Variants in FGF1 observed in about 807,000 individuals in gnomAD.
The protein encoded by FGF1 is beta-endothelial cell growth factor.
In FGF1, 9 loss-of-function variants were observed where a neutral mutation model predicts 13.4. That is an observed-to-expected ratio of 0.67 (90% CI 0.40 to 1.17). FGF1 has a LOEUF of 1.17. Among genes scored for constraint, FGF1 ranks in the 50% most tolerant of loss-of-function variants. The pLI is 0.01. For synonymous variants in FGF1, 93 were observed against 79.0 expected (o/e 1.18, Z -0.94); for missense variants, 156 against 192.7 (o/e 0.81, Z 1.13).
intron 1 of FGF1, among the ~76,000 whole-genome samples, chr5:142,677,724 G>T (rs1772896806): frequency 6.6e-6 from 1 of 152,164 alleles, no homozygotes; most frequent in South Asian, 2.1e-4. Context: ...TCATTCATTA[G>T]ACTGATATTT....
intron 1 of FGF1, among the ~76,000 whole-genome samples, chr5:142,665,153 A>G (rs181815683): frequency 1.0e-3 from 154 of 152,316 alleles, no homozygotes; most frequent in African/African-American, 3.5e-3. Context: ...AGCCTGGGCA[A>G]CATAGCAAGA....
chr5:142,697,436 A>G (rs902170339), intron 2 of FGF1, among the ~76,000 whole-genome samples: 1 of 152,166 alleles, frequency 6.6e-6, no homozygotes, highest in Non-Finnish European at 1.5e-5. Context: ...CCTTTGAATG[A>G]GAGAAGGCAG....
At chr5:142,696,376 G>A (rs1753112559) in intron 2 of FGF1, among the ~76,000 whole-genome samples, 1 of 152,150 alleles carries the variant, frequency 6.6e-6, no homozygotes, top group South Asian at 2.1e-4. Context: ...GATCATTTCT[G>A]GGGAAACACC....
rs766571118 is a variant in FGF1, at chr5:142,595,116, G to A, written c.*174C>T. On this transcript the variant is annotated 3_prime_UTR_variant, in exon 4 of 4. Transcript: ENST00000337706. ...GTCCCTCTGTTCTAAACTGTGCAGG[G>A]GTAAAAGGCTCTGCAAAGAAGTGAA... is the stretch of plus-strand genomic sequence containing the variant. 212 of 595,442 alleles carry A rather than the reference G, an allele frequency of 3.6e-4. No individual in the cohort carries two copies. The highest frequency in any genetic ancestry group is 6.1e-4 in the Non-Finnish European group (205 of 337,674). The allele number at this position is 595,442 out of a possible 1,614,324, so 36.9% of individuals were successfully genotyped here.
intron 1 of FGF1, among the ~76,000 whole-genome samples, chr5:142,673,898 A>T (rs370422801): frequency 6.6e-6 from 1 of 152,186 alleles, no homozygotes. Context: ...AACTTTTTGC[A>T]TGGCTCCAGG....
Position 142,600,749 on chromosome 5 carries a change from T to G in FGF1, c.226A>C (p.Thr76Pro), listed in dbSNP as rs565742349. The change falls in exon 3 of 4, where the codon ACT becomes CCT. Residue 76 changes from threonine to proline, a missense_variant. Coordinates refer to ENST00000337706, the MANE Select transcript of FGF1 (RefSeq NM_000800.5). Reference sequence around the variant, plus strand: ...GTGTCCATGGCCAAGTACTGGCCAGTCTCGGTACTCTTTATATACACCTCC... The same window carrying G: ...GTGTCCATGGCCAAGTACTGGCCAGGCTCGGTACTCTTTATATACACCTCC... Reference protein sequence around the residue: ...VGEVYIKSTETGQYLAMDTDG... With the variant: ...VGEVYIKSTEPGQYLAMDTDG... 6.2e-7 allele frequency: 1 copy of G among 1,614,006 alleles called. No individual in the cohort carries two copies. Among genetic ancestry groups the G allele is most frequent in the African/African-American group, 1.3e-5 (1 of 75,038 alleles).
intron 1 of FGF1, among the ~76,000 whole-genome samples, chr5:142,659,827 A>G (rs1431319573): frequency 6.6e-6 from 1 of 152,194 alleles, no homozygotes; most frequent in African/African-American, 2.4e-5. Context: ...ATGTCTCCAA[A>G]TGCTTCTGAG....
At chr5:142,647,035 G>C (rs780266410) in intron 1 of FGF1, among the ~76,000 whole-genome samples, 8 of 152,192 alleles carry the variant, frequency 5.3e-5, no homozygotes, top group Non-Finnish European at 8.8e-5. Flanking sequence ...CAGGGCCCCA[G>C]TATAATGTAC....
intron 1 of FGF1, among the ~76,000 whole-genome samples, chr5:142,680,225 C>A (rs1052372474): frequency 6.6e-6 from 1 of 152,190 alleles, no homozygotes; most frequent in Non-Finnish European, 1.5e-5. Flanking sequence ...GGGGTGGACA[C>A]AACTCAACCC....
chr5:142,651,219 C>A (rs769918556), intron 1 of FGF1, among the ~76,000 whole-genome samples: 14 of 152,144 alleles, frequency 9.2e-5, no homozygotes, highest in Non-Finnish European at 1.8e-4. Flanking sequence ...CCCACGGGAG[C>A]CTGAACCCAC....
intron 1 of FGF1, among the ~76,000 whole-genome samples, chr5:142,651,992 C>A (rs368513187): frequency 6.6e-6 from 1 of 152,132 alleles, no homozygotes; most frequent in African/African-American, 2.4e-5. Flanking sequence ...TCGTACCATG[C>A]GCTCTATTAA....
At position 142,685,999 on chromosome 5, in the gene FGF1, C is replaced by G. The variant is rs568646470; in HGVS notation, c.-77G>C. 9.8e-5 allele frequency: 15 copies of G among 152,328 alleles called. No individual in the cohort carries two copies. The highest frequency in any genetic ancestry group is 9.8e-4 in the Admixed American group (15 of 15,290). The allele number at this position is 152,328 out of a possible 1,614,324, so 9.4% of individuals were successfully genotyped here. ...CGAGGGCTGTACCTCTCTCCACACTCGCTCAGTGCTGTCCCAGGGGAAGCA... is the reference window on the plus strand; with the variant it reads ...CGAGGGCTGTACCTCTCTCCACACTGGCTCAGTGCTGTCCCAGGGGAAGCA... On this transcript the variant is annotated 5_prime_UTR_variant, in exon 1 of 4. Transcript: ENST00000337706.
At chr5:142,600,315 T>C (rs573015538) in intron 3 of FGF1, among the ~76,000 whole-genome samples, 51 of 152,280 alleles carry the variant, frequency 3.3e-4, no homozygotes, top group South Asian at 1.7e-3. Flanking sequence ...TGAGTCATGA[T>C]TGTGCCACTG....
chr5:142,644,526 C>A (rs1051644889), intron 1 of FGF1, among the ~76,000 whole-genome samples: 2 of 152,114 alleles, frequency 1.3e-5, no homozygotes, highest in Non-Finnish European at 2.9e-5. Context: ...TGGGAGCAAC[C>A]CCAGGTTCTC....
chr5:142,646,861 CA>C (rs1259795409), intron 1 of FGF1, among the ~76,000 whole-genome samples: 1 of 152,180 alleles, frequency 6.6e-6, no homozygotes, highest in Non-Finnish European at 1.5e-5. Flanking sequence ...CTGACCCTGT[CA>C]TCGTTTCTTC....
chr5:142,690,841 C>T (rs557379336), upstream of FGF1, among the ~76,000 whole-genome samples: 1 of 152,208 alleles, frequency 6.6e-6, no homozygotes, highest in South Asian at 2.1e-4. Flanking sequence ...CCCCAACATA[C>T]TCATTGCTCA....
chr5:142,647,226 G>A (rs1256362373), intron 1 of FGF1, among the ~76,000 whole-genome samples: 1 of 152,164 alleles, frequency 6.6e-6, no homozygotes, highest in Admixed American at 6.5e-5. Context: ...TTGTGAAGTT[G>A]CCCCCTCACC....
intron 3 of FGF1, among the ~76,000 whole-genome samples, chr5:142,599,530 G>A (rs915921173): frequency 1.1e-4 from 16 of 152,156 alleles, no homozygotes; most frequent in Non-Finnish European, 2.4e-4. Flanking sequence ...GGGAGGAAAG[G>A]GGTGTGGATT....
intron 1 of FGF1, among the ~76,000 whole-genome samples, chr5:142,646,599 C>T (rs1766180859): frequency 1.3e-5 from 2 of 152,158 alleles, no homozygotes; most frequent in Admixed American, 1.3e-4. Context: ...GCTCTGCCCG[C>T]CTTGGCCTCC....
Sources: gnomAD v4.1 joint callset for allele counts (sites outside exome capture counted in the v4.1 genomes callset) on GRCh38, gnomAD v4.1.1 for gene constraint, MANE v1.5 for transcripts, NCBI Gene and HGNC (gene_info 2026-07-23, HGNC 2026-07-21) for gene names.